POC1B: variants seen among roughly 807,000 people sequenced by gnomAD.
POC1B encodes POC1 centriolar protein B.
A neutral mutation model predicts 60.6 loss-of-function variants in POC1B; 44 were observed. That is an observed-to-expected ratio of 0.73 (90% CI 0.57 to 0.93). The LOEUF is 0.93. Ranked by LOEUF, POC1B falls within the 40% of genes least tolerant of loss-of-function variation. The pLI is 0.00. For missense variants in POC1B, 555 were observed against 572.3 expected, an observed-to-expected ratio of 0.97 and a Z score of 0.31; for synonymous variants, 180 against 198.9, an observed-to-expected ratio of 0.90 and a Z score of 0.80.
At chr12:89,468,975 T>A (rs1368145483) in intron 7 of POC1B, among the ~76,000 whole-genome samples, 1 of 151,986 alleles carries the variant, frequency 6.6e-6, no homozygotes, top group African/African-American at 2.4e-5. Context: ...CTCAAAAAAA[T>A]TTATCTAGGC....
chr12:89,421,838 A>T (rs1880547801), intron 11 of POC1B, among the ~76,000 whole-genome samples: 1 of 152,212 alleles, frequency 6.6e-6, no homozygotes, highest in Admixed American at 6.5e-5. Flanking sequence ...TGCATGTAAA[A>T]TGCTTACGCT....
chr12:89,502,843 T>A (rs1869644129), intron 2 of POC1B, among the ~76,000 whole-genome samples: 1 of 152,146 alleles, frequency 6.6e-6, no homozygotes, highest in Non-Finnish European at 1.5e-5. Flanking sequence ...ATATAATAAG[T>A]ACTGGGGATT....
intron 10 of POC1B, among the ~76,000 whole-genome samples, chr12:89,447,206 C>G (rs1881826312): frequency 6.6e-6 from 1 of 151,960 alleles, no homozygotes; most frequent in African/African-American, 2.4e-5. Flanking sequence ...GTAAACTTAT[C>G]AATATACTCA....
chr12:89,501,905 G>A, intron 2 of POC1B: 1 of 1,140,816 alleles, frequency 8.8e-7, no homozygotes. Flanking sequence ...AAAGGTTCTG[G>A]AGGTATCATT....
chr12:89,507,115 A>G (rs994961222), intron 2 of POC1B, among the ~76,000 whole-genome samples: 2 of 151,692 alleles, frequency 1.3e-5, no homozygotes, highest in African/African-American at 4.8e-5. Context: ...ACAAAAAATA[A>G]CAAAAAAATT....
intron 10 of POC1B, among the ~76,000 whole-genome samples, chr12:89,433,979 T>C (rs1282872307): frequency 3.9e-5 from 6 of 152,202 alleles, no homozygotes; most frequent in East Asian, 1.9e-4. Flanking sequence ...CTTGAAAACA[T>C]AGGCTGTTGA....
chr12:89,490,416 C>T (rs1246777423), intron 4 of POC1B, among the ~76,000 whole-genome samples: 1 of 152,156 alleles, frequency 6.6e-6, no homozygotes, highest in East Asian at 1.9e-4. Context: ...ATGATCTCAG[C>T]TCACTGCACC....
intron 2 of POC1B, chr12:89,523,418 T>G (rs369108571): frequency 5.3e-5 from 86 of 1,613,938 alleles, no homozygotes; most frequent in Non-Finnish European, 7.0e-5. Context: ...CGAGCAGTAT[T>G]CTGTAGGAAA....
intron 11 of POC1B, among the ~76,000 whole-genome samples, chr12:89,422,269 C>T (rs533705160): frequency 6.6e-6 from 1 of 152,260 alleles, no homozygotes; most frequent in Admixed American, 6.5e-5. Flanking sequence ...ACAATGATTG[C>T]TTTCTTGTGT....
chr12:89,496,432 G>A (rs976044427), intron 3 of POC1B, among the ~76,000 whole-genome samples: 1 of 152,150 alleles, frequency 6.6e-6, no homozygotes, highest in Non-Finnish European at 1.5e-5. Flanking sequence ...AAAGTGAGGG[G>A]AGGTGTAGAT....
At chr12:89,497,617 G>A (rs908312739) in intron 2 of POC1B, among the ~76,000 whole-genome samples, 9 of 152,168 alleles carry the variant, frequency 5.9e-5, no homozygotes, top group Non-Finnish European at 1.2e-4. Context: ...CTAGAAGGCC[G>A]CAGCACAGTG....
chr12:89,477,827 T>C (rs1012022533), intron 4 of POC1B, among the ~76,000 whole-genome samples: 1 of 152,176 alleles, frequency 6.6e-6, no homozygotes, highest in African/African-American at 2.4e-5. Flanking sequence ...CTAGGACCTA[T>C]CCTCCTGCGT....
At chr12:89,406,607 A>G in the POC1B span, among the ~76,000 whole-genome samples, 20 of 152,164 alleles carry the variant, frequency 1.3e-4, no homozygotes, top group Admixed American at 9.2e-4. Flanking sequence ...CTCAAAATAA[A>G]TAAGTATGTT....
chr12:89,490,346 T>G (rs910205590), intron 4 of POC1B, among the ~76,000 whole-genome samples: 1 of 152,142 alleles, frequency 6.6e-6, no homozygotes, highest in Admixed American at 6.6e-5. Context: ...GTTGTTTGTT[T>G]GTTTGTTTTT....
At position 89,502,989 on chromosome 12, in the gene POC1B, A is replaced by G. The variant is rs142124392; in HGVS notation, c.101-5647T>C. ...TATGTGTGTATATATGTATATGTGA[A>G]AAAGTTTGTATAGTTGGGACATTTG... On this transcript the variant is annotated intron_variant, in intron 2 of 11. Coordinates refer to ENST00000313546, the MANE Select transcript of POC1B (RefSeq NM_172240.3). Among the ~76,000 whole-genome samples, 488 of 152,288 alleles carry G rather than the reference A, an allele frequency of 3.2e-3. 3 individuals carry two copies. Among genetic ancestry groups the G allele is most frequent in the African/African-American group, 0.011 (477 of 41,568 alleles).
intron 10 of POC1B, among the ~76,000 whole-genome samples, chr12:89,450,850 A>T (rs1882010617): frequency 6.6e-6 from 1 of 152,198 alleles, no homozygotes; most frequent in South Asian, 2.1e-4. Context: ...ATGATTTACT[A>T]TGTATCACTC....
intron 10 of POC1B, among the ~76,000 whole-genome samples, chr12:89,434,926 T>C (rs189057686): frequency 2.0e-5 from 3 of 152,326 alleles, no homozygotes; most frequent in Admixed American, 2.0e-4. Context: ...TTCAGGCAGC[T>C]GAGTGAAAAA....
Position 89,471,668 on chromosome 12 carries a change from G to T in POC1B, c.622C>A (p.Gln208Lys). Reference protein sequence around the residue: ...GTCIASAGSDQTVKVWDVRVN... With the variant: ...GTCIASAGSDKTVKVWDVRVN... ...CTTACATCCCAGACTTTCACAGTTT[G>T]ATCAGAACCTGCTGAAGCTATGCAT... is the stretch of plus-strand genomic sequence containing the variant. Residue 208 changes from glutamine (Q) to lysine (K), a missense_variant, in exon 6 of 12, where the codon CAA becomes AAA. Transcript: ENST00000313546. The T allele has an allele frequency of 1.2e-6, 2 of 1,611,288 alleles. No homozygotes were observed. Among genetic ancestry groups the T allele is most frequent in the Non-Finnish European group, 1.7e-6 (2 of 1,178,766 alleles).
chr12:89,435,123 A>G (rs1250472432), intron 10 of POC1B, among the ~76,000 whole-genome samples: 1 of 152,054 alleles, frequency 6.6e-6, no homozygotes, highest in Non-Finnish European at 1.5e-5. Context: ...TAAAGATTAT[A>G]TAACTGGATA....
Sources: allele counts gnomAD v4.1 joint callset (sites outside exome capture counted in the v4.1 genomes callset), GRCh38; gene constraint gnomAD v4.1.1; transcripts MANE v1.5; gene names NCBI Gene and HGNC (gene_info 2026-07-23, HGNC 2026-07-21).